The following EFCAB8 variants were observed in gnomAD, a reference collection of about 807,000 sequenced individuals.
The protein encoded by EFCAB8 is EF-hand calcium binding domain 8.
EFCAB8 carries 100 observed loss-of-function variants against 116.3 expected under a neutral mutation model. The ratio of observed to expected loss-of-function variants is 0.86; its 90% confidence interval spans 0.73 to 1.02. The LOEUF is 1.02. Among genes scored for constraint, EFCAB8 ranks in the 50% least tolerant of loss-of-function variants. The pLI, the probability that EFCAB8 is intolerant of heterozygous loss-of-function variation, is 0.00. For missense variants in EFCAB8, 1,320 were observed against 1,416.9 expected (o/e 0.93, Z 1.10); for synonymous variants, 558 against 567.9 (o/e 0.98, Z 0.25).
At chr20:32,889,956 G>A (rs867323886) in intron 7 of EFCAB8, among the ~76,000 whole-genome samples, 12 of 148,668 alleles carry the variant, frequency 8.1e-5, no homozygotes, top group South Asian at 2.1e-4. Flanking sequence ...AGCTGAGATC[G>A]CGCCATTGCA....
At chr20:32,870,590 C>T (rs1984636036) in intron 3 of EFCAB8, among the ~76,000 whole-genome samples, 1 of 152,096 alleles carries the variant, frequency 6.6e-6, no homozygotes, top group Non-Finnish European at 1.5e-5. Context: ...CCTTGAACTC[C>T]TGGGCTCAAG....
chr20:32,901,889 T>C (rs1986446422), intron 11 of EFCAB8, among the ~76,000 whole-genome samples: 1 of 152,240 alleles, frequency 6.6e-6, no homozygotes, highest in Non-Finnish European at 1.5e-5. Flanking sequence ...GGTTTCACCA[T>C]GTTGGCCAGG....
In EFCAB8 at chr20:32,917,085, T is replaced by C. The variant is rs972542331; in HGVS notation, c.1857-216T>C. 2.7e-5 allele frequency: 15 copies of C among 559,168 alleles called. No individual in the cohort carries two copies. In the Admixed American group the frequency reaches 4.1e-4, roughly 15 times the overall value. The allele number at this position is 559,168 out of a possible 1,614,324, so 34.6% of individuals were successfully genotyped here. A position where few individuals can be genotyped will look rare whatever the true frequency, so the allele number is the denominator to read the frequency against. On this transcript the variant is annotated intron_variant, in intron 17 of 26. Transcript: ENST00000400522. ...ACACATTGACTATCTGTAAGATTAGTTTATGTAAAGCCCCTACAACAGGGC... is the reference window on the plus strand; with the variant it reads ...ACACATTGACTATCTGTAAGATTAGCTTATGTAAAGCCCCTACAACAGGGC...
chr20:32,889,727 T>C (rs13044434), intron 7 of EFCAB8, among the ~76,000 whole-genome samples: 3,919 of 152,034 alleles, frequency 0.026, 81 homozygotes, highest in Non-Finnish European at 0.039. Flanking sequence ...CCTGGCCGGG[T>C]GTGGTGGCTC....
chr20:32,862,050 C>T (rs1033025574), intron 1 of EFCAB8, among the ~76,000 whole-genome samples: 1 of 152,008 alleles, frequency 6.6e-6, no homozygotes, highest in African/African-American at 2.4e-5. Context: ...TTGTGTGTTT[C>T]TCCCTCTTTC....
intron 5 of EFCAB8, among the ~76,000 whole-genome samples, chr20:32,882,664 G>A (rs1985401422): frequency 6.6e-6 from 1 of 152,098 alleles, no homozygotes; most frequent in Non-Finnish European, 1.5e-5. Context: ...GGGATTACAG[G>A]TGGCCGCCAC....
At chr20:32,880,705 A>C (rs547039709) in intron 5 of EFCAB8, among the ~76,000 whole-genome samples, 2 of 152,212 alleles carry the variant, frequency 1.3e-5, no homozygotes, top group Non-Finnish European at 2.9e-5. Flanking sequence ...GATACAGATG[A>C]ACAGATGTGT....
At chr20:32,925,936 C>T (rs1397173407) in intron 20 of EFCAB8, among the ~76,000 whole-genome samples, 2 of 152,206 alleles carry the variant, frequency 1.3e-5, no homozygotes, top group South Asian at 2.1e-4. Flanking sequence ...ATGCAGAGTG[C>T]AAAAGGAATA....
intron 7 of EFCAB8, 122 bp downstream of exon 7, chr20:32,889,528 C>A: frequency 1.0e-6 from 1 of 996,596 alleles, no homozygotes; most frequent in Non-Finnish European, 1.5e-6. Flanking sequence ...GGAGGATAGC[C>A]AGGTGGAGAG....
Position 32,961,308 on chromosome 20 carries a change from C to A in EFCAB8, c.3566C>A (p.Thr1189Lys), listed in dbSNP as rs189947728. The A allele has an allele frequency of 2.0e-6, 3 of 1,522,942 alleles. No homozygotes were observed. Among genetic ancestry groups the A allele is most frequent in the Non-Finnish European group, 2.6e-6 (3 of 1,134,608 alleles). 94.3% of individuals were successfully genotyped at this position (1,522,942 alleles called of 1,614,324 possible). The change falls in exon 27 of 27, where the codon ACG (threonine) becomes AAG (lysine). Residue 1189 changes from threonine (T) to lysine (K), a missense_variant. Physicochemically the swap from Thr to Lys is moderately conservative, Grantham distance 78 (BLOSUM62 -1). Coordinates refer to ENST00000400522, the MANE Select transcript of EFCAB8 (RefSeq NM_001143967.2). ...PSREQAVLDTTDSTPAAASSP... is the reference protein window; with the variant it reads ...PSREQAVLDTKDSTPAAASSP... ...AGGGAGCAGGCTGTGCTGGATACCA[C>A]GGACAGCACGCCTGCGGCCGCCTCC...
Position 32,918,462 on chromosome 20 carries a change from G to C in EFCAB8, c.2162G>C (p.Ser721Thr). ...WTYKTSRKLS[S>T]LSPESVANTN... ...TACAAGACCTCCAGGAAGCTCTCCA[G>C]TCTCAGCCCCGAGTCTGTGGCCAAT... is the stretch of plus-strand genomic sequence containing the variant. The change falls in exon 19 of 27, where the codon AGT (serine) becomes ACT (threonine). Residue 721 changes from serine to threonine, a missense_variant. Coordinates refer to ENST00000400522, the MANE Select transcript of EFCAB8 (RefSeq NM_001143967.2). The C allele has an allele frequency of 6.4e-7, 1 of 1,551,758 alleles. No individual in the cohort carries two copies. Among genetic ancestry groups the C allele is most frequent in the Non-Finnish European group, 8.7e-7 (1 of 1,147,012 alleles).
At chr20:32,908,472 A>C (rs1046883793) in intron 14 of EFCAB8, 60 bp downstream of exon 14, 6 of 1,248,136 alleles carry the variant, frequency 4.8e-6, no homozygotes, top group Admixed American at 4.2e-5. Flanking sequence ...CAGGGTCTGA[A>C]TCCCATGGGA....
intron 22 of EFCAB8, among the ~76,000 whole-genome samples, chr20:32,939,587 G>A (rs1013446726): frequency 6.9e-6 from 1 of 145,586 alleles, no homozygotes; most frequent in African/African-American, 2.6e-5. Context: ...CTGGCGGGCT[G>A]GCTTTCTTTT....
chr20:32,958,593 G>A (rs1318898105), intron 24 of EFCAB8, 43 bp downstream of exon 24: 1 of 413,530 alleles, frequency 2.4e-6, no homozygotes, highest in African/African-American at 2.1e-5. Context: ...GCCTGAGGAG[G>A]GAGAGGCTGT....
At chr20:32,863,675 T>A in intron 1 of EFCAB8, 108 bp from the exon 2 acceptor site, 1 of 1,050,924 alleles carries the variant, frequency 9.5e-7, no homozygotes, top group Non-Finnish European at 1.4e-6. Flanking sequence ...AGCCACCCTC[T>A]CCCTTGACCT....
intron 22 of EFCAB8, among the ~76,000 whole-genome samples, chr20:32,932,997 C>T (rs1287410941): frequency 6.6e-6 from 1 of 152,176 alleles, no homozygotes; most frequent in Non-Finnish European, 1.5e-5. Context: ...AATGTTGATA[C>T]AATCATCATC....
chr20:32,930,276 A>C, intron 20 of EFCAB8, 122 bp from the exon 21 acceptor site: 1 of 777,336 alleles, frequency 1.3e-6, no homozygotes, highest in Non-Finnish European at 2.0e-6. Context: ...CACCATCACC[A>C]CTTTCACTGG....
chr20:32,892,974 G>A (rs973593027), intron 8 of EFCAB8, among the ~76,000 whole-genome samples, 200 bp from the exon 9 acceptor site: 1 of 151,936 alleles, frequency 6.6e-6, no homozygotes, highest in Non-Finnish European at 1.5e-5. Context: ...CTGAGTAGCT[G>A]GGATTACTGG....
intron 6 of EFCAB8, 52 bp from the exon 7 acceptor site, chr20:32,889,249 A>G: frequency 6.7e-7 from 1 of 1,492,870 alleles, no homozygotes; most frequent in South Asian, 1.2e-5. Flanking sequence ...GGGGAGCTGC[A>G]CTGGCCTGAG....
Sources: allele counts gnomAD v4.1 joint callset (sites outside exome capture counted in the v4.1 genomes callset), GRCh38; gene constraint gnomAD v4.1.1; transcripts MANE v1.5; gene names NCBI Gene and HGNC (gene_info 2026-07-23, HGNC 2026-07-21).